STK32A: variants seen among roughly 807,000 people sequenced by gnomAD.
The protein encoded by STK32A is serine/threonine kinase 32A, also known as serine/threonine-protein kinase 32A.
A neutral mutation model predicts 53.2 loss-of-function variants in STK32A; 41 were observed. The observed-to-expected ratio is 0.77, with a 90% CI of 0.60 to 1.00. The LOEUF (loss-of-function observed/expected upper bound fraction) is 1.00. Ranked by LOEUF, STK32A falls within the 50% of genes least tolerant of loss-of-function variation. The pLI, the probability that STK32A is intolerant of heterozygous loss-of-function variation, is 0.00. For missense variants in STK32A, 458 were observed against 485.8 expected, an observed-to-expected ratio of 0.94 and a Z score of 0.54; for synonymous variants, 166 against 162.8, an observed-to-expected ratio of 1.02 and a Z score of -0.15.
chr5:147,318,687 G>T (rs369263851), intron 4 of STK32A, among the ~76,000 whole-genome samples: 122 of 151,024 alleles, frequency 8.1e-4, no homozygotes, highest in African/African-American at 2.9e-3. Flanking sequence ...GAGGTGGGAG[G>T]ATCATTTGAA....
chr5:147,312,547 A>T (rs570926169), intron 4 of STK32A, among the ~76,000 whole-genome samples: 2 of 152,374 alleles, frequency 1.3e-5, no homozygotes, highest in Non-Finnish European at 2.9e-5. Context: ...CACAAAATAC[A>T]CAAGAGTGGG....
At chr5:147,333,523 C>T (rs2151982992) in intron 5 of STK32A, among the ~76,000 whole-genome samples, 1 of 152,262 alleles carries the variant, frequency 6.6e-6, no homozygotes, top group South Asian at 2.1e-4. Context: ...ACCAGTGGGG[C>T]AACTTGGGCA....
chr5:147,336,838 TC>T (rs1367780921), intron 5 of STK32A, among the ~76,000 whole-genome samples: 1 of 152,178 alleles, frequency 6.6e-6, no homozygotes, highest in Non-Finnish European at 1.5e-5. Context: ...ATAATATTTT[TC>T]CCCTCTCCAG....
At chr5:147,320,541 A>G (rs1754261259) in intron 4 of STK32A, among the ~76,000 whole-genome samples, 2 of 152,376 alleles carry the variant, frequency 1.3e-5, no homozygotes, top group South Asian at 2.1e-4. Flanking sequence ...AAAAGCAAGC[A>G]TGCATCCTGA....
rs574647719 is a variant in STK32A, at chr5:147,236,459, G to C, written c.-97+1260G>C. 4.6e-5 allele frequency among the ~76,000 whole-genome samples: 7 copies of C among 152,116 alleles called. No homozygotes were observed. In the South Asian group the frequency reaches 1.5e-3, roughly 32 times the overall value. On this transcript the variant is annotated intron_variant, in intron 1 of 12. Transcript: ENST00000397936. ...TAAAAGAGAGTCCTACAGCTCTACT[G>C]GGCTCTTCAGCAGAATGGAAAGGAC... is the stretch of plus-strand genomic sequence containing the variant.
chr5:147,384,161 A>G lies in STK32A; in HGVS notation c.*178A>G, dbSNP rs1757562499. The G allele has an allele frequency of 2.1e-6, 3 of 1,446,414 alleles. No homozygotes were observed. The highest frequency in any genetic ancestry group is 2.7e-6 in the Non-Finnish European group (3 of 1,113,574). 89.6% of individuals were successfully genotyped at this position (1,446,414 alleles called of 1,614,324 possible). ...AGGGTCCTGGGCCTGAGCTCCTGGG[A>G]TGTCATTTCACATCAATCAACTGTG... On this transcript the variant is annotated 3_prime_UTR_variant, in exon 13 of 13. Transcript: ENST00000397936.
chr5:147,295,135 A>G (rs1752809189), intron 4 of STK32A, among the ~76,000 whole-genome samples: 1 of 152,188 alleles, frequency 6.6e-6, no homozygotes, highest in African/African-American at 2.4e-5. Context: ...TTGTTTCCTC[A>G]ATTATTTTGT....
intron 4 of STK32A, among the ~76,000 whole-genome samples, chr5:147,320,230 C>T (rs1754240106): frequency 6.6e-6 from 1 of 152,202 alleles, no homozygotes; most frequent in African/African-American, 2.4e-5. Context: ...CCCTCAGAGT[C>T]AGATTTATTT....
At chr5:147,247,587 G>A (rs985088748) in intron 2 of STK32A, among the ~76,000 whole-genome samples, 3 of 152,080 alleles carry the variant, frequency 2.0e-5, no homozygotes, top group Non-Finnish European at 2.9e-5. Context: ...AGCAGAGTTG[G>A]CAACTTTTTC....
chr5:147,235,469 T>C (rs916374664), intron 1 of STK32A, among the ~76,000 whole-genome samples: 3 of 152,244 alleles, frequency 2.0e-5, no homozygotes, highest in Non-Finnish European at 2.9e-5. Flanking sequence ...CTGCTTGTTC[T>C]CCAGCATCTA....
chr5:147,324,905 A>G (rs2151978576), intron 5 of STK32A, among the ~76,000 whole-genome samples: 1 of 152,296 alleles, frequency 6.6e-6, no homozygotes, highest in East Asian at 1.9e-4. Flanking sequence ...AGGCACTCCT[A>G]GGTACTTTAT....
At chr5:147,330,637 G>A (rs1158440930) in intron 5 of STK32A, among the ~76,000 whole-genome samples, 2 of 152,170 alleles carry the variant, frequency 1.3e-5, no homozygotes, top group Non-Finnish European at 2.9e-5. Flanking sequence ...GAAGTGAGGA[G>A]GTTTCAACAA....
intron 4 of STK32A, among the ~76,000 whole-genome samples, chr5:147,298,397 T>G (rs1752970413): frequency 6.6e-6 from 1 of 152,236 alleles, no homozygotes; most frequent in Admixed American, 6.5e-5. Flanking sequence ...AACTAGCTTT[T>G]TCTAATTGTG....
chr5:147,289,019 G>A (rs145645954), intron 4 of STK32A, among the ~76,000 whole-genome samples: 9 of 152,176 alleles, frequency 5.9e-5, no homozygotes, highest in African/African-American at 2.2e-4. Flanking sequence ...TTCTGAACTT[G>A]CCCATCTCCT....
intron 2 of STK32A, among the ~76,000 whole-genome samples, chr5:147,246,147 T>G (rs1436285782): frequency 6.6e-6 from 1 of 152,196 alleles, no homozygotes; most frequent in African/African-American, 2.4e-5. Flanking sequence ...AAAGGAAAAT[T>G]TCCCTAGCAA....
intron 4 of STK32A, among the ~76,000 whole-genome samples, chr5:147,320,658 G>A (rs560741481): frequency 1.2e-4 from 19 of 152,322 alleles, no homozygotes; most frequent in South Asian, 1.2e-3. Context: ...CAGGGGAACC[G>A]CATTTAATAT....
intron 1 of STK32A, among the ~76,000 whole-genome samples, chr5:147,236,328 G>C (rs761951080): frequency 6.6e-6 from 1 of 152,070 alleles, no homozygotes; most frequent in South Asian, 2.1e-4. Flanking sequence ...ATATGCTTTG[G>C]ATTTTCATTT....
chr5:147,370,596 AT>A lies in STK32A; in HGVS notation c.661-48del, dbSNP rs375706377. On this transcript the variant is annotated intron_variant, in intron 8 of 12. Transcript: ENST00000397936. The stretch of plus-strand genomic sequence containing the variant: ...AAGTTTAGCTTGGAAACATTTGGAA[AT>A]TTTTTTTTTCTTTTGTCCTATACAA... The A allele has an allele frequency of 3.4e-3, 3,634 of 1,074,646 alleles. 40 individuals are homozygous for A. Among genetic ancestry groups the A allele is most frequent in the African/African-American group, 0.025 (1,525 of 62,078 alleles). 66.6% of individuals were successfully genotyped at this position (1,074,646 alleles called of 1,614,324 possible).
Position 147,323,958 on chromosome 5 carries a change from C to T in STK32A, c.321C>T (p.Asp107=). 6.2e-7 allele frequency: 1 copy of T among 1,613,520 alleles called. No homozygotes were observed. The highest frequency in any genetic ancestry group is 8.5e-7 in the Non-Finnish European group (1 of 1,179,794). Residue 107 remains aspartate, a synonymous_variant, in exon 5 of 13, where the codon GAC becomes GAT. Transcript: ENST00000397936. The part of the protein sequence containing the change: ...FMVVDLLLGG[D]LRYHLQQNVH... ...TGGTGGACCTCCTGCTGGGTGGAGA[C>T]CTGCGTTATCACCTGCAACAGAACG...
Sources: allele counts gnomAD v4.1 joint callset (sites outside exome capture counted in the v4.1 genomes callset), GRCh38; gene constraint gnomAD v4.1.1; transcripts MANE v1.5; gene names NCBI Gene and HGNC (gene_info 2026-07-23, HGNC 2026-07-21).